MDFIC: variants seen among roughly 807,000 people sequenced by gnomAD.
MDFIC encodes myoD family inhibitor domain-containing protein.
Under a neutral mutation model 23.2 loss-of-function variants are expected in MDFIC, and 17 were observed. The observed-to-expected ratio is 0.73, with a 90% CI of 0.50 to 1.10. The LOEUF (loss-of-function observed/expected upper bound fraction) is 1.10, where lower values mean the gene tolerates loss of function less well. MDFIC is among the 50% of genes least tolerant of loss of function. The probability of loss-of-function intolerance (pLI) is 0.00; values close to 1 mark genes in which losing one functional copy is unlikely to be tolerated. For synonymous variants in MDFIC, 120 were observed against 115.2 expected (o/e 1.04, Z -0.27); for missense variants, 356 against 316.6 (o/e 1.12, Z -0.95).
At chr7:115,013,422 AT>A (rs1791722557) in intron 4 of MDFIC, among the ~76,000 whole-genome samples, 1 of 152,222 alleles carries the variant, frequency 6.6e-6, no homozygotes. Context: ...TACGACTAGT[AT>A]ATAAATAATT....
At chr7:115,013,481 G>A (rs1171001822) in intron 4 of MDFIC, among the ~76,000 whole-genome samples, 1 of 152,118 alleles carries the variant, frequency 6.6e-6, no homozygotes, top group Non-Finnish European at 1.5e-5. Context: ...TTCAGTTAAA[G>A]GTTCTTCAAT....
rs542095906 is a variant in MDFIC at position 114,948,029 on chromosome 7, C to A, written c.217+5632C>A. On this transcript the variant is annotated intron_variant, in intron 3 of 4. Transcript: ENST00000393486. Reference sequence around the variant, plus strand: ...TCCAAAAGGTCATGTCTTTCTGAGACCTTTGATATTGTCTACAACAATAAC... The same window carrying A: ...TCCAAAAGGTCATGTCTTTCTGAGAACTTTGATATTGTCTACAACAATAAC... Among the ~76,000 whole-genome samples, 14 of 152,164 alleles carry A rather than the reference C, an allele frequency of 9.2e-5. No homozygotes were observed. The South Asian group carries it at 2.5e-3, about 27-fold the overall frequency.
At chr7:115,011,160 C>T (rs953622000) in intron 4 of MDFIC, among the ~76,000 whole-genome samples, 5 of 152,116 alleles carry the variant, frequency 3.3e-5, no homozygotes, top group African/African-American at 1.2e-4. Flanking sequence ...CTGCCTGGGT[C>T]CTGATCCTGT....
intron 4 of MDFIC, among the ~76,000 whole-genome samples, chr7:115,002,875 T>A (rs1196070771): frequency 6.6e-6 from 1 of 152,178 alleles, no homozygotes; most frequent in African/African-American, 2.4e-5. Context: ...TGTCTAAAAA[T>A]ATATGTGTAG....
chr7:114,994,437 C>T (rs992219665), intron 4 of MDFIC, among the ~76,000 whole-genome samples: 3 of 152,144 alleles, frequency 2.0e-5, no homozygotes, highest in Non-Finnish European at 4.4e-5. Context: ...GCAGTTTCTT[C>T]CTACCATCAA....
intron 4 of MDFIC, among the ~76,000 whole-genome samples, chr7:114,982,859 G>C (rs768753387): frequency 2.0e-5 from 3 of 152,198 alleles, no homozygotes; most frequent in Non-Finnish European, 2.9e-5. Flanking sequence ...CCTTGTTGCT[G>C]CATCCTTGGA....
intron 4 of MDFIC, among the ~76,000 whole-genome samples, chr7:115,012,703 C>T (rs2116140546): frequency 6.6e-6 from 1 of 152,158 alleles, no homozygotes; most frequent in East Asian, 1.9e-4. Context: ...TGAGGCTGGG[C>T]ACAATGGCTC....
intron 2 of MDFIC, among the ~76,000 whole-genome samples, chr7:114,931,068 C>G (rs1165691417): frequency 1.1e-4 from 16 of 151,932 alleles, no homozygotes. Flanking sequence ...CCCTTTTCCT[C>G]CTCCCTCTCT....
chr7:114,923,044 CG>C lies in MDFIC; in HGVS notation c.14del (p.Gly5AlafsTer39). The C allele has an allele frequency of 7.4e-7, 1 of 1,358,022 alleles. No individual in the cohort carries two copies. Among genetic ancestry groups the C allele is most frequent in the South Asian group, 1.8e-5 (1 of 55,516 alleles). 84.1% of individuals were successfully genotyped at this position (1,358,022 alleles called of 1,614,324 possible). A position where few individuals can be genotyped will look rare whatever the true frequency, so the allele number is the denominator to read the frequency against. On this transcript the variant is annotated frameshift_variant, in exon 2 of 5. Coordinates refer to ENST00000393486, the MANE Select transcript of MDFIC (RefSeq NM_001166345.3). LOFTEE classifies it high-confidence loss of function. The stretch of plus-strand genomic sequence containing the variant: ...TCGGCGGAGCGGCCCATGTCCGGCG[CG>C]GGCGAAGCCCTCGCTCCCGGGCCCG... MSG[A>X]GEALAPGPVG...
intron 4 of MDFIC, among the ~76,000 whole-genome samples, chr7:115,006,440 CTCATCATCA>C (rs564475573): frequency 6.6e-6 from 1 of 151,928 alleles, no homozygotes; most frequent in African/African-American, 2.4e-5. Flanking sequence ...TGTTATTTTA[CTCATCATCA>C]TCATCATCAT....
intron 3 of MDFIC, among the ~76,000 whole-genome samples, chr7:114,948,192 G>T (rs1792688182): frequency 6.9e-6 from 1 of 144,730 alleles, no homozygotes; most frequent in African/African-American, 2.6e-5. Context: ...TGAGATGAAG[G>T]TTCTAAATCA....
At chr7:114,979,391 A>C (rs1793375116) in intron 3 of MDFIC, 115 bp from the exon 4 acceptor site, 2 of 1,002,796 alleles carry the variant, frequency 2.0e-6, no homozygotes, top group African/African-American at 3.3e-5. Context: ...TTGCCTCTTC[A>C]GTGTTAGTAT....
At chr7:114,932,001 G>A (rs1792316747) in intron 2 of MDFIC, among the ~76,000 whole-genome samples, 1 of 152,238 alleles carries the variant, frequency 6.6e-6, no homozygotes, top group South Asian at 2.1e-4. Flanking sequence ...GTTTGTAAAC[G>A]CAGACGCTGC....
At position 114,979,618 on chromosome 7, in the gene MDFIC, C is replaced by T. The variant is rs768937547; in HGVS notation, c.330C>T (p.His110=). ...HTGLSNGNGI[H]HGAKHGSADN... is the part of the protein sequence containing the mutation. ...GTCTGAGCAATGGAAATGGAATTCA[C>T]CACGGGGCCAAACACGGATCCGCAG... Residue 110 remains histidine (H), a synonymous_variant, in exon 4 of 5, where the codon CAC becomes CAT. Transcript: ENST00000393486. 1 of 1,614,004 alleles carries T rather than the reference C, an allele frequency of 6.2e-7. No individual in the cohort carries two copies. Among genetic ancestry groups the T allele is most frequent in the Non-Finnish European group, 8.5e-7 (1 of 1,179,988 alleles).
chr7:114,977,906 AT>A (rs1227950351), intron 3 of MDFIC, among the ~76,000 whole-genome samples: 2 of 147,888 alleles, frequency 1.4e-5, no homozygotes, highest in Non-Finnish European at 3.0e-5. Context: ...TTATTTATAT[AT>A]TTTATATATC....
Position 115,016,152 on chromosome 7 carries a change from A to G in MDFIC, c.*217A>G. The G allele has an allele frequency of 2.0e-6, 1 of 490,752 alleles. No homozygotes were observed. Among genetic ancestry groups the G allele is most frequent in the East Asian group, 3.6e-5 (1 of 27,802 alleles). The allele number at this position is 490,752 out of a possible 1,614,324, so 30.4% of individuals were successfully genotyped here. A position where few individuals can be genotyped will look rare whatever the true frequency, so the allele number is the denominator to read the frequency against. ...CTTTAACTAGTTTTATAAATTTCTT[A>G]ATATGTTACAATAACTTAGGGACAT... On this transcript the variant is annotated 3_prime_UTR_variant, in exon 5 of 5. Coordinates refer to ENST00000393486, the MANE Select transcript of MDFIC (RefSeq NM_001166345.3).
chr7:114,922,811 C>A, intron 1 of MDFIC, 116 bp from the exon 2 acceptor site: 2 of 1,365,010 alleles, frequency 1.5e-6, no homozygotes, highest in Admixed American at 2.7e-5. Flanking sequence ...CAAATCAAAA[C>A]TTCCCCGGGG....
At chr7:114,966,552 C>T (rs906980581) in intron 3 of MDFIC, among the ~76,000 whole-genome samples, 9 of 152,066 alleles carry the variant, frequency 5.9e-5, no homozygotes, top group Admixed American at 1.3e-4. Context: ...TAGTGGAAGG[C>T]GTCATCTTGG....
rs1399546580 is a variant in MDFIC at position 114,942,290 on chromosome 7, A to G, written c.110A>G (p.Asp37Gly). ...TTTAATTCAGGAAAATGTGATAAAG[A>G]CAATACTGAGAAAGATATAACTCAA... ...GSTAQGKCDK[D>G]NTEKDITQAT... Residue 37 changes from aspartate to glycine, a missense_variant, in exon 3 of 5, where the codon GAC becomes GGC. Coordinates refer to ENST00000393486, the MANE Select transcript of MDFIC (RefSeq NM_001166345.3). 3.2e-6 allele frequency: 5 copies of G among 1,544,014 alleles called. No individual in the cohort carries two copies. The highest frequency in any genetic ancestry group is 4.4e-6 in the Non-Finnish European group (5 of 1,127,228).
Sources: allele counts gnomAD v4.1 joint callset (sites outside exome capture counted in the v4.1 genomes callset), GRCh38; gene constraint gnomAD v4.1.1; transcripts MANE v1.5; gene names NCBI Gene and HGNC (gene_info 2026-07-23, HGNC 2026-07-21).